The following PARP14 variants were observed in gnomAD, a reference collection of about 807,000 sequenced individuals.
PARP14 encodes poly(ADP-ribose) polymerase family member 14, also known as protein mono-ADP-ribosyltransferase PARP14.
Under a neutral mutation model 154.2 loss-of-function variants are expected in PARP14, and 59 were observed. The ratio of observed to expected loss-of-function variants is 0.38; its 90% confidence interval spans 0.31 to 0.48. The LOEUF is 0.48. Among genes scored for constraint, PARP14 ranks in the 20% least tolerant of loss-of-function variants. PARP14 has a pLI of 0.98. For synonymous variants in PARP14, 720 were observed against 780.5 expected, an observed-to-expected ratio of 0.92 and a Z score of 1.29; for missense variants, 1,734 against 2,131.6, an observed-to-expected ratio of 0.81 and a Z score of 3.67.
intron 4 of PARP14, among the ~76,000 whole-genome samples, chr3:122,694,878 C>T (rs1243157643): frequency 1.3e-5 from 2 of 151,892 alleles, no homozygotes; most frequent in African/African-American, 4.8e-5. Context: ...AGGATCAAGA[C>T]AAAAACTAGA....
At chr3:122,715,256 G>A (rs184938949) in intron 12 of PARP14, among the ~76,000 whole-genome samples, 25 of 152,284 alleles carry the variant, frequency 1.6e-4, no homozygotes, top group African/African-American at 5.5e-4. Context: ...CAACGGAGCT[G>A]CCTTGTTCCA....
At chr3:122,725,267 G>A (rs1486878836) in intron 15 of PARP14, among the ~76,000 whole-genome samples, 4 of 151,454 alleles carry the variant, frequency 2.6e-5, no homozygotes, top group African/African-American at 7.3e-5. Flanking sequence ...CAGGGCGGCC[G>A]GGCAGAGGCA....
chr3:122,700,480 A>G lies in PARP14; in HGVS notation c.1926A>G (p.Thr642=). ...TCAATGAGTTAACTTCAGAAACCAC[A>G]GCTGAAGTCATCATTACAGGCTGTG... is the stretch of plus-strand genomic sequence containing the variant. ...VIINELTSET[T]AEVIITGCVK... is the part of the protein sequence containing the mutation. Residue 642 remains threonine (T), a synonymous_variant, in exon 6 of 17, where the codon ACA becomes ACG. Coordinates refer to ENST00000474629, the MANE Select transcript of PARP14 (RefSeq NM_017554.3). 6.2e-7 allele frequency: 1 copy of G among 1,612,362 alleles called. No individual in the cohort carries two copies. The highest frequency in any genetic ancestry group is 1.1e-5 in the South Asian group (1 of 90,748).
chr3:122,700,216 C>A lies in PARP14; in HGVS notation c.1662C>A (p.Phe554Leu). The A allele has an allele frequency of 2.5e-6, 4 of 1,611,498 alleles. No individual in the cohort carries two copies. The highest frequency in any genetic ancestry group is 2.2e-5 in the East Asian group (1 of 44,864). The change falls in exon 6 of 17, where the codon TTC (phenylalanine) becomes TTA (leucine). Residue 554 changes from phenylalanine (F) to leucine (L), a missense_variant. Phe to Leu is a conservative substitution (Grantham distance 22). Around this residue, in one of 2 missense-constraint regions of PARP14, gnomAD observed 1,646 missense variants for 1,976.0 expected, o/e 0.83. Coordinates refer to ENST00000474629, the MANE Select transcript of PARP14 (RefSeq NM_017554.3). ...TGCAACAGGTAAACTGGAAAGAATTCTCTAAGTGTCTTTTCATAGCACAGA... is the reference window on the plus strand; with the variant it reads ...TGCAACAGGTAAACTGGAAAGAATTATCTAAGTGTCTTTTCATAGCACAGA... The part of the protein sequence containing the change: ...QFLQQVNWKE[F>L]SKCLFIAQKI...
At position 122,728,904 on chromosome 3, in the gene PARP14, C is replaced by A; in HGVS notation, c.*307C>A. On this transcript the variant is annotated 3_prime_UTR_variant, in exon 17 of 17. Transcript: ENST00000474629. ...TTTTCAGGAAGGAGAGAATAACAGT[C>A]TTATAGACAGAGGGCACAGCTAAGC... The A allele has an allele frequency of 3.1e-6, 1 of 318,034 alleles. No individual in the cohort carries two copies. The highest frequency in any genetic ancestry group is 3.3e-5 in the South Asian group (1 of 30,766). The allele number at this position is 318,034 out of a possible 1,614,324, so 19.7% of individuals were successfully genotyped here.
chr3:122,727,231 A>G (rs1264273134), intron 15 of PARP14, among the ~76,000 whole-genome samples: 1 of 152,166 alleles, frequency 6.6e-6, no homozygotes, highest in Admixed American at 6.5e-5. Flanking sequence ...CCAGGACCCA[A>G]GCAGTTTCCA....
chr3:122,723,534 T>C (rs73856280), intron 15 of PARP14, among the ~76,000 whole-genome samples: 8,935 of 152,260 alleles, frequency 0.059, 325 homozygotes, highest in African/African-American at 0.097. Context: ...GATAATATCA[T>C]TTATTTCTCT....
intron 1 of PARP14, among the ~76,000 whole-genome samples, chr3:122,683,875 C>A (rs1938290173): frequency 6.6e-6 from 1 of 152,200 alleles, no homozygotes; most frequent in Non-Finnish European, 1.5e-5. Context: ...GTCCATGACT[C>A]TAAATAACTT....
At chr3:122,715,647 TATCTATCG>T (rs1411917485) in intron 12 of PARP14, among the ~76,000 whole-genome samples, 261 of 147,072 alleles carry the variant, frequency 1.8e-3, no homozygotes, top group African/African-American at 4.1e-3. Context: ...TCTATCTATC[TATCTATCG>T]ATCTGTCTAT....
intron 1 of PARP14, chr3:122,683,334 T>C: frequency 2.1e-6 from 2 of 973,866 alleles, no homozygotes; most frequent in Non-Finnish European, 2.4e-6. Context: ...CCTGATTTGA[T>C]TCATATAAAC....
At chr3:122,688,736 C>T (rs566765610) in intron 3 of PARP14, among the ~76,000 whole-genome samples, 45 of 152,216 alleles carry the variant, frequency 3.0e-4, no homozygotes, top group African/African-American at 8.7e-4. Context: ...GGATGGGGAA[C>T]GTACTCTCCG....
rs753565791 is a variant in PARP14 at position 122,728,315 on chromosome 3, A to T, written c.5124A>T (p.Ala1708=). 1.2e-5 allele frequency: 20 copies of T among 1,612,042 alleles called. No homozygotes were observed. The highest frequency in any genetic ancestry group is 1.5e-5 in the Non-Finnish European group (18 of 1,178,186). ...TGGTTTTTCTTTTCACAGCTGTGGC[A>T]TATGGAAAGGGAACCTATTTTGCTG... ...NRSYAGKNAV[A]YGKGTYFAVN... The change falls in exon 17 of 17, where the codon GCA becomes GCT. Residue 1708 remains alanine (A), a synonymous_variant. Coordinates refer to ENST00000474629, the MANE Select transcript of PARP14 (RefSeq NM_017554.3).
chr3:122,718,659 A>C lies in PARP14; in HGVS notation c.4508A>C (p.Asp1503Ala). Residue 1503 changes from aspartate to alanine, a missense_variant, in exon 14 of 17, where the codon GAT becomes GCT. Coordinates refer to ENST00000474629, the MANE Select transcript of PARP14 (RefSeq NM_017554.3). ...ATTAAGGTTTTGGGAATTAGCAGAG[A>C]TGTGATGCAGGCTAGAGATGAAATT... is the stretch of plus-strand genomic sequence containing the variant. ...PLIKVLGISR[D>A]VMQARDEIEA... The C allele has an allele frequency of 6.2e-7, 1 of 1,613,972 alleles. No homozygotes were observed. The highest frequency in any genetic ancestry group is 8.5e-7 in the Non-Finnish European group (1 of 1,179,874).
chr3:122,701,314 T>A lies in PARP14; in HGVS notation c.2760T>A (p.Ala920=), dbSNP rs1413730307. 6.2e-7 allele frequency: 1 copy of A among 1,613,916 alleles called. No homozygotes were observed. Among genetic ancestry groups the A allele is most frequent in the Non-Finnish European group, 8.5e-7 (1 of 1,179,896 alleles). The part of the protein sequence containing the change: ...KYKYRSIAIP[A]ISSGVFGFPL... ...AGTACCGATCCATAGCCATCCCAGC[T>A]ATTAGTTCTGGAGTCTTTGGCTTTC... The change falls in exon 6 of 17, where the codon GCT becomes GCA. Residue 920 remains alanine, a synonymous_variant. Transcript: ENST00000474629. This position sits in a 1 kb window ranked among gnomAD's most constrained non-coding sequence, Gnocchi z 4.0.
intron 2 of PARP14, among the ~76,000 whole-genome samples, chr3:122,685,762 C>G (rs181321296): frequency 3.0e-4 from 45 of 152,132 alleles, no homozygotes; most frequent in African/African-American, 9.9e-4. Flanking sequence ...CCCACCTAGG[C>G]CTCCCAAAGT....
At chr3:122,717,140 T>G (rs908079693) in intron 12 of PARP14, among the ~76,000 whole-genome samples, 2 of 152,232 alleles carry the variant, frequency 1.3e-5, no homozygotes, top group African/African-American at 4.8e-5. Context: ...TTGTCTACAT[T>G]CCCACAATTG....
chr3:122,714,449 CA>C lies in PARP14; in HGVS notation c.4000+22del, dbSNP rs752590688. 6.5e-7 allele frequency: 1 copy of C among 1,534,580 alleles called. No homozygotes were observed. Among genetic ancestry groups the C allele is most frequent in the South Asian group, 1.3e-5 (1 of 78,186 alleles). On this transcript the variant is annotated intron_variant, in intron 12 of 16. Coordinates refer to ENST00000474629, the MANE Select transcript of PARP14 (RefSeq NM_017554.3). The stretch of plus-strand genomic sequence containing the variant: ...GGACAGGTTCGTAGCCTCTGGCTGT[CA>C]AGGCTAAATCCCAAGCCATCTACTT...
At chr3:122,705,591 T>C (rs1939129100) in intron 8 of PARP14, among the ~76,000 whole-genome samples, 1 of 152,194 alleles carries the variant, frequency 6.6e-6, no homozygotes, top group Non-Finnish European at 1.5e-5. Flanking sequence ...TTTTAAGCCA[T>C]TATCCCTGCA....
rs753526375 is a variant in PARP14 at position 122,701,058 on chromosome 3, C to T, written c.2504C>T (p.Ala835Val). The change falls in exon 6 of 17, where the codon GCT becomes GTT. Residue 835 changes from alanine to valine, a missense_variant. Ala to Val is a moderately conservative substitution (Grantham distance 64, BLOSUM62 0). Coordinates refer to ENST00000474629, the MANE Select transcript of PARP14 (RefSeq NM_017554.3). The surrounding 1 kb of genome is among the most constrained non-coding windows in gnomAD (Gnocchi z 4.0). ...CTTAAGCATTATGGTGGCCTGGCCGCTGCGCTCTCAAAAGCAGCTGGCCCT... is the reference window on the plus strand; with the variant it reads ...CTTAAGCATTATGGTGGCCTGGCCGTTGCGCTCTCAAAAGCAGCTGGCCCT... ...EDLKHYGGLA[A>V]ALSKAAGPEL... The T allele has an allele frequency of 3.1e-6, 5 of 1,613,904 alleles. No homozygotes were observed. In the Middle Eastern group the frequency reaches 4.9e-4, roughly 159 times the overall value.
Sources: allele counts gnomAD v4.1 joint callset (sites outside exome capture counted in the v4.1 genomes callset), GRCh38; gene constraint gnomAD v4.1.1; regional missense constraint gnomAD v4.1.1; non-coding constraint Gnocchi (gnomAD v3.1); transcripts MANE v1.5; gene names NCBI Gene and HGNC (gene_info 2026-07-23, HGNC 2026-07-21).